CTNNA3: variants seen among roughly 807,000 people sequenced by gnomAD.
CTNNA3 encodes the protein catenin alpha-3.
CTNNA3 carries 76 observed loss-of-function variants against 95.7 expected under a neutral mutation model. That is an observed-to-expected ratio of 0.79 (90% CI 0.66 to 0.96). CTNNA3 has a LOEUF of 0.96. Among genes scored for constraint, CTNNA3 ranks in the 40% least tolerant of loss-of-function variants. The pLI, the probability that CTNNA3 is intolerant of heterozygous loss-of-function variation, is 0.00. For missense variants in CTNNA3, 1,191 were observed against 1,089.8 expected, an observed-to-expected ratio of 1.09 and a Z score of -1.31; for synonymous variants, 431 against 374.4, an observed-to-expected ratio of 1.15 and a Z score of -1.74.
chr10:67,182,760 A>C (rs1862623362), intron 6 of CTNNA3, among the ~76,000 whole-genome samples: 1 of 152,202 alleles, frequency 6.6e-6, no homozygotes, highest in East Asian at 1.9e-4. Flanking sequence ...CAACCTACAG[A>C]ATGGGAGAAA....
chr10:66,332,211 T>C (rs1379835209), intron 12 of CTNNA3, among the ~76,000 whole-genome samples: 2 of 151,960 alleles, frequency 1.3e-5, no homozygotes. Flanking sequence ...TTTGACTTCC[T>C]CTTTTCCTAA....
intron 5 of CTNNA3, among the ~76,000 whole-genome samples, chr10:67,240,543 G>A (rs940916208): frequency 1.3e-5 from 2 of 152,150 alleles, no homozygotes; most frequent in African/African-American, 4.8e-5. Context: ...AAGGAGCAGA[G>A]AGAGGCCTTT....
intron 10 of CTNNA3, among the ~76,000 whole-genome samples, chr10:66,559,474 G>T (rs1000310834): frequency 3.3e-5 from 5 of 151,320 alleles, no homozygotes; most frequent in African/African-American, 1.2e-4. Context: ...TTGGGTATTT[G>T]CCTTTAGCAT....
At chr10:67,193,321 T>A (rs946095317) in intron 6 of CTNNA3, among the ~76,000 whole-genome samples, 3 of 152,028 alleles carry the variant, frequency 2.0e-5, no homozygotes, top group African/African-American at 7.2e-5. Flanking sequence ...TTTAAAATTG[T>A]TTTAATTCAA....
chr10:66,231,097 A>G (rs933611716), intron 13 of CTNNA3, among the ~76,000 whole-genome samples: 4 of 152,112 alleles, frequency 2.6e-5, no homozygotes, highest in Admixed American at 2.0e-4. Flanking sequence ...TTCTGGGACA[A>G]TGCAGTTGCA....
intron 5 of CTNNA3, among the ~76,000 whole-genome samples, chr10:67,378,626 T>G (rs1843790224): frequency 6.6e-6 from 1 of 152,190 alleles, no homozygotes; most frequent in Non-Finnish European, 1.5e-5. Context: ...GGAAAGTCCC[T>G]CATCCACGTA....
chr10:66,101,164 C>T (rs1453714094), intron 14 of CTNNA3, among the ~76,000 whole-genome samples: 2 of 152,128 alleles, frequency 1.3e-5, no homozygotes, highest in Non-Finnish European at 2.9e-5. Context: ...AATTTCCACT[C>T]ATAAGATGTG....
rs546437042 is a variant in CTNNA3, at chr10:66,157,050, A to T, written c.1885-53801T>A. Among the ~76,000 whole-genome samples the T allele has an allele frequency of 2.8e-4, 42 of 151,710 alleles. No individual in the cohort carries two copies. The South Asian group carries it at 7.5e-3, about 27-fold the overall frequency. On this transcript the variant is annotated intron_variant, in intron 13 of 17. Transcript: ENST00000433211. ...TTTGCTTTCCTTATTTCCTTTTTTA[A>T]AATTTTTCCATAAGTTATTGGGGTA...
chr10:66,607,472 CA>C (rs574854850), intron 10 of CTNNA3, among the ~76,000 whole-genome samples: 830 of 45,288 alleles, frequency 0.018, 3 homozygotes, highest in African/African-American at 0.035. Context: ...CAGAGACAAC[CA>C]AAAAAAAAAA....
chr10:65,930,493 C>T (rs1025124027), intron 17 of CTNNA3, among the ~76,000 whole-genome samples: 1 of 152,134 alleles, frequency 6.6e-6, no homozygotes, highest in African/African-American at 2.4e-5. Flanking sequence ...GTCAAAACAT[C>T]TTGACTAGGA....
intron 15 of CTNNA3, among the ~76,000 whole-genome samples, chr10:66,004,978 G>A (rs2133374620): frequency 6.6e-6 from 1 of 152,246 alleles, no homozygotes; most frequent in Non-Finnish European, 1.5e-5. Context: ...TAGGCTAAAG[G>A]GAAGGTGTCA....
At chr10:67,662,345 C>A (rs556486252) in intron 1 of CTNNA3, among the ~76,000 whole-genome samples, 1 of 152,150 alleles carries the variant, frequency 6.6e-6, no homozygotes, top group African/African-American at 2.4e-5. Context: ...CATTCTCTCT[C>A]GCAAAATATC....
intron 15 of CTNNA3, among the ~76,000 whole-genome samples, chr10:65,994,473 T>G (rs1381816061): frequency 1.3e-5 from 2 of 151,958 alleles, no homozygotes; most frequent in African/African-American, 4.8e-5. Context: ...GAATGTATCA[T>G]CTCATTCTCT....
intron 7 of CTNNA3, among the ~76,000 whole-genome samples, chr10:67,132,479 A>G (rs117877394): frequency 6.6e-6 from 1 of 152,236 alleles, no homozygotes; most frequent in Non-Finnish European, 1.5e-5. Flanking sequence ...AAGTATATGT[A>G]GATGTACAAG....
intron 7 of CTNNA3, among the ~76,000 whole-genome samples, chr10:66,848,460 G>A (rs746617767): frequency 5.9e-5 from 9 of 152,122 alleles, no homozygotes; most frequent in Non-Finnish European, 1.0e-4. Flanking sequence ...TGTGAAAAAT[G>A]AGAAATACAG....
chr10:66,871,615 A>C (rs1844413236), intron 7 of CTNNA3, among the ~76,000 whole-genome samples: 1 of 151,946 alleles, frequency 6.6e-6, no homozygotes, highest in Admixed American at 6.6e-5. Context: ...TTCTAATATT[A>C]AGTACATATG....
chr10:67,623,779 G>C (rs996373663), intron 2 of CTNNA3, among the ~76,000 whole-genome samples: 3 of 152,080 alleles, frequency 2.0e-5, no homozygotes, highest in Admixed American at 6.5e-5. Flanking sequence ...AAGGAGACCA[G>C]AGAATTTCAC....
At chr10:66,447,747 A>T (rs888194579) in intron 11 of CTNNA3, among the ~76,000 whole-genome samples, 4 of 152,042 alleles carry the variant, frequency 2.6e-5, no homozygotes, top group African/African-American at 7.2e-5. Flanking sequence ...AGGCAATACC[A>T]TTCAGGACAT....
chr10:66,856,694 G>A (rs1194165877), intron 7 of CTNNA3, among the ~76,000 whole-genome samples: 1 of 151,990 alleles, frequency 6.6e-6, no homozygotes, highest in African/African-American at 2.4e-5. Context: ...CTTGTTGGCT[G>A]CATGTATGTC....
Sources: gnomAD v4.1 joint callset for allele counts (sites outside exome capture counted in the v4.1 genomes callset) on GRCh38, gnomAD v4.1.1 for gene constraint, MANE v1.5 for transcripts, NCBI Gene and HGNC (gene_info 2026-07-23, HGNC 2026-07-21) for gene names.